FANCA: variants seen among roughly 807,000 people sequenced by gnomAD.
The protein encoded by FANCA is Fanconi anemia group A protein.
FANCA carries 236 observed loss-of-function variants against 194.3 expected under a neutral mutation model. The ratio of observed to expected loss-of-function variants is 1.21; its 90% CI spans 1.09 to 1.35. The LOEUF (loss-of-function observed/expected upper bound fraction) is 1.35. Among genes scored for constraint, FANCA ranks in the 40% most tolerant of loss-of-function variants. The probability of loss-of-function intolerance (pLI) is 0.00; values close to 1 mark genes in which losing one functional copy is unlikely to be tolerated. For missense variants in FANCA, 2,628 were observed against 1,813.9 expected (o/e 1.45, Z -8.15); for synonymous variants, 1,014 against 715.8 (o/e 1.42, Z -6.65).
intron 29 of FANCA, among the ~76,000 whole-genome samples, chr16:89,760,659 AGTCTCAAATG>A (rs1217425029): frequency 6.6e-6 from 1 of 152,074 alleles, no homozygotes; most frequent in Non-Finnish European, 1.5e-5. Context: ...CCTCTCAAAT[AGTCTCAAATG>A]GTCTCAGTCA....
chr16:89,796,916 T>C lies in FANCA; in HGVS notation c.894-898A>G, dbSNP rs1226427546. ...GCTCACACCTGTAATCCCAGCACTTTGGGAGGCCAAGGGGGGCAGATGACA... is the reference window on the plus strand; with the variant it reads ...GCTCACACCTGTAATCCCAGCACTTCGGGAGGCCAAGGGGGGCAGATGACA... On this transcript the variant is annotated intron_variant, in intron 10 of 42. Transcript: ENST00000389301. Among the ~76,000 whole-genome samples, 15 of 152,202 alleles carry C rather than the reference T, an allele frequency of 9.9e-5. No homozygotes were observed. The East Asian group carries it at 2.3e-3, about 24-fold the overall frequency.
chr16:89,783,474 C>G (rs2039791192), intron 15 of FANCA, among the ~76,000 whole-genome samples: 1 of 151,700 alleles, frequency 6.6e-6, no homozygotes, highest in African/African-American at 2.4e-5. Context: ...TGGCGGGAAC[C>G]CAGGAGGCGG....
In FANCA at chr16:89,792,374, G is replaced by C. The variant is rs1294714133; in HGVS notation, c.1083+97C>G. ...CTCACCAGACATCCCTGAACCTCTC[G>C]ATGTGCCGTCCACGGCAGGCAGCAT... On this transcript the variant is annotated intron_variant, in intron 12 of 42. Coordinates refer to ENST00000389301, the MANE Select transcript of FANCA (RefSeq NM_000135.4). The C allele has an allele frequency of 3.9e-6, 5 of 1,296,676 alleles. No individual in the cohort carries two copies. In the Admixed American group the frequency reaches 6.7e-5, roughly 17 times the overall value. The allele number at this position is 1,296,676 out of a possible 1,614,324, so 80.3% of individuals were successfully genotyped here. A position where few individuals can be genotyped will look rare whatever the true frequency, so the allele number is the denominator to read the frequency against.
chr16:89,758,738 A>T (rs1194191822), intron 29 of FANCA, 33 bp from the exon 30 acceptor site: 7 of 1,611,348 alleles, frequency 4.3e-6, no homozygotes, highest in Non-Finnish European at 5.1e-6. Flanking sequence ...CAATTCTGAG[A>T]AATGCTTCGT....
chr16:89,799,777 A>C (rs2040379879), intron 8 of FANCA, 139 bp from the exon 9 acceptor site: 3 of 719,646 alleles, frequency 4.2e-6, no homozygotes, highest in Non-Finnish European at 7.5e-6. Context: ...GCGGATCACG[A>C]GGTCAGGAGA....
At position 89,770,128 on chromosome 16, in the gene FANCA, G is replaced by A. The variant is rs369642441; in HGVS notation, c.2316+38C>T. On this transcript the variant is annotated intron_variant, in intron 25 of 42. Coordinates refer to ENST00000389301, the MANE Select transcript of FANCA (RefSeq NM_000135.4). ...GAAGTAGCAGCCTGGCCCTCAGAGT[G>A]GGCCCCCAAGGGTGGCCCCCATGAA... is the stretch of plus-strand genomic sequence containing the variant. The A allele has an allele frequency of 6.4e-6, 10 of 1,570,920 alleles. No homozygotes were observed. The Admixed American group carries it at 1.9e-4, about 30-fold the overall frequency.
chr16:89,760,394 C>T (rs1396812146), intron 29 of FANCA, among the ~76,000 whole-genome samples: 1 of 152,204 alleles, frequency 6.6e-6, no homozygotes, highest in Non-Finnish European at 1.5e-5. Context: ...TACCAGGATC[C>T]AGGTGCAGGC....
intron 6 of FANCA, among the ~76,000 whole-genome samples, chr16:89,806,727 GAA>G (rs1432278864): frequency 6.6e-6 from 1 of 152,188 alleles, no homozygotes; most frequent in Non-Finnish European, 1.5e-5. Context: ...AGAACAAAAT[GAA>G]AAGTCTCCCG....
At chr16:89,743,908 C>CTTTT (rs144936523) in intron 36 of FANCA, among the ~76,000 whole-genome samples, 139 of 152,102 alleles carry the variant, frequency 9.1e-4, no homozygotes, top group African/African-American at 3.2e-3. Context: ...CTGCTTTCTC[C>CTTTT]TTTTTTGAGA....
At chr16:89,769,795 G>A (rs761375323) in intron 26 of FANCA, 42 bp downstream of exon 26, 7 of 1,605,564 alleles carry the variant, frequency 4.4e-6, no homozygotes, top group East Asian at 4.5e-5. Context: ...GTCACTTTTC[G>A]AGAGAGAGGA....
intron 14 of FANCA, among the ~76,000 whole-genome samples, chr16:89,786,626 T>C (rs754937106): frequency 1.3e-5 from 2 of 152,068 alleles, no homozygotes; most frequent in Non-Finnish European, 2.9e-5. Flanking sequence ...CATGTGTAGA[T>C]TCTTTTGAAT....
In FANCA at chr16:89,758,652, G is replaced by A; in HGVS notation, c.2906C>T (p.Ala969Val). ...CAGGTCTCCGTCACAGCCCCCTGAA[G>A]CCGAGGACTCAGGGAGAAAGTGCTC... ...IHEHFLPESS[A>V]SGGCDGDLQA... Residue 969 changes from alanine to valine, a missense_variant, in exon 30 of 43, where the codon GCT becomes GTT. Physicochemically the swap from Ala to Val is moderately conservative, Grantham distance 64 (BLOSUM62 0). Coordinates refer to ENST00000389301, the MANE Select transcript of FANCA (RefSeq NM_000135.4). 6.2e-7 allele frequency: 1 copy of A among 1,614,010 alleles called. No homozygotes were observed. The highest frequency in any genetic ancestry group is 8.5e-7 in the Non-Finnish European group (1 of 1,179,882).
rs76275444 is a variant in FANCA, at chr16:89,816,592, G to A, written c.24C>T (p.Asn8=). 4 of 1,527,056 alleles carry A rather than the reference G, an allele frequency of 2.6e-6. No individual in the cohort carries two copies. The highest frequency in any genetic ancestry group is 3.5e-6 in the Non-Finnish European group (4 of 1,145,358). The allele number at this position is 1,527,056 out of a possible 1,614,324, so 94.6% of individuals were successfully genotyped here. Residue 8 remains asparagine (N), a synonymous_variant, in exon 1 of 43, where the codon AAC becomes AAT. Coordinates refer to ENST00000389301, the MANE Select transcript of FANCA (RefSeq NM_000135.4). ...CCCCTGGGTCCTGGCCCGAGGCGGA[G>A]TTCGGGACCCACGAGTCGGACATGG... MSDSWVP[N]SASGQDPGGR... is the part of the protein sequence containing the mutation.
chr16:89,763,929 A>AAC (rs1555544982), intron 28 of FANCA, among the ~76,000 whole-genome samples: 2 of 141,750 alleles, frequency 1.4e-5, no homozygotes, highest in African/African-American at 5.3e-5. Flanking sequence ...AGAAAAAAAA[A>AAC]ACAAAACAAC....
At chr16:89,810,652 T>C (rs1447865367) in intron 5 of FANCA, 55 bp downstream of exon 5, 7 of 1,150,832 alleles carry the variant, frequency 6.1e-6, no homozygotes, top group Non-Finnish European at 6.6e-6. Context: ...TCCATCCAGA[T>C]CAACAGAACA....
intron 17 of FANCA, 142 bp from the exon 18 acceptor site, chr16:89,780,099 C>T: frequency 2.6e-6 from 2 of 779,140 alleles, no homozygotes; most frequent in Non-Finnish European, 2.2e-6. Context: ...GCTGTGCGCA[C>T]AGCAGGGGCC....
At chr16:89,795,857 G>C in intron 11 of FANCA, 49 bp downstream of exon 11, 1 of 1,388,772 alleles carries the variant, frequency 7.2e-7, no homozygotes, top group Non-Finnish European at 1.0e-6. Context: ...CAAGGCAACA[G>C]CAATCCCCAA....
chr16:89,793,430 A>C (rs528492557), intron 11 of FANCA, among the ~76,000 whole-genome samples: 152 of 152,332 alleles, frequency 1.0e-3, no homozygotes, highest in Non-Finnish European at 1.6e-3. Context: ...GAGGATTATT[A>C]TAATATTGCA....
At chr16:89,795,027 G>A (rs2040196142) in intron 11 of FANCA, among the ~76,000 whole-genome samples, 2 of 152,208 alleles carry the variant, frequency 1.3e-5, no homozygotes, top group Admixed American at 1.3e-4. Flanking sequence ...GCACACGCCT[G>A]TAATCCCAGT....
Sources: allele counts gnomAD v4.1 joint callset (sites outside exome capture counted in the v4.1 genomes callset), GRCh38; gene constraint gnomAD v4.1.1; transcripts MANE v1.5; gene names NCBI Gene and HGNC (gene_info 2026-07-23, HGNC 2026-07-21).